The following SLC44A5 variants were observed in gnomAD, a reference collection of about 807,000 sequenced individuals.
SLC44A5 encodes choline transporter-like protein 5.
A neutral mutation model predicts 101.8 loss-of-function variants in SLC44A5; 57 were observed. The ratio of observed to expected loss-of-function variants is 0.56; its 90% CI spans 0.45 to 0.70. SLC44A5 has a LOEUF of 0.70. Among genes scored for constraint, SLC44A5 ranks in the 30% least tolerant of loss-of-function variants. The pLI is 0.00. For synonymous variants in SLC44A5, 281 were observed against 290.9 expected (o/e 0.97, Z 0.35); for missense variants, 737 against 853.1 (o/e 0.86, Z 1.70).
chr1:75,385,478 GACACAT>G (rs1661253469), intron 3 of SLC44A5, among the ~76,000 whole-genome samples: 1 of 151,926 alleles, frequency 6.6e-6, no homozygotes, highest in African/African-American at 2.4e-5. Flanking sequence ...TAAATTCCTC[GACACAT>G]ACACTCTCCC....
the SLC44A5 span, among the ~76,000 whole-genome samples, chr1:75,719,751 C>A: frequency 2.0e-5 from 3 of 152,018 alleles, no homozygotes; most frequent in Non-Finnish European, 4.4e-5. Context: ...GTTTTACTTC[C>A]GAGAAAACTA....
chr1:75,447,161 C>T (rs1217696473), intron 2 of SLC44A5, among the ~76,000 whole-genome samples: 1 of 152,126 alleles, frequency 6.6e-6, no homozygotes, highest in African/African-American at 2.4e-5. Context: ...ACAGGAACAG[C>T]TGCCCTAATA....
At chr1:75,287,581 CA>C (rs1653172694) in intron 5 of SLC44A5, among the ~76,000 whole-genome samples, 1 of 151,864 alleles carries the variant, frequency 6.6e-6, no homozygotes, top group Non-Finnish European at 1.5e-5. Flanking sequence ...TAGACTATGT[CA>C]GGGGGAAGAT....
At chr1:75,577,892 G>A (rs1673463390) in intron 1 of SLC44A5, among the ~76,000 whole-genome samples, 1 of 152,038 alleles carries the variant, frequency 6.6e-6, no homozygotes, top group Non-Finnish European at 1.5e-5. Context: ...TGTTTACTCA[G>A]GATATTCATT....
chr1:75,569,581 G>A lies in SLC44A5; in HGVS notation c.-69-28065C>T, dbSNP rs141125601. On this transcript the variant is annotated intron_variant, in intron 1 of 23. Coordinates refer to ENST00000370859, the MANE Select transcript of SLC44A5 (RefSeq NM_001130058.2). Reference sequence around the variant, plus strand: ...CAACACTTAAAACATTCTATTGAATGAATTATCTGTTCAGTAGAACACAAG... The same window carrying A: ...CAACACTTAAAACATTCTATTGAATAAATTATCTGTTCAGTAGAACACAAG... Among the ~76,000 whole-genome samples the A allele has an allele frequency of 4.8e-3, 732 of 152,166 alleles. 5 individuals are homozygous for A. Among genetic ancestry groups the A allele is most frequent in the African/African-American group, 0.014 (584 of 41,488 alleles).
At chr1:75,672,230 A>G in the SLC44A5 span, among the ~76,000 whole-genome samples, 1 of 152,174 alleles carries the variant, frequency 6.6e-6, no homozygotes. Flanking sequence ...TGCCTATGCC[A>G]CCCTTCCCCC....
chr1:75,701,162 C>T, the SLC44A5 span, among the ~76,000 whole-genome samples: 1 of 152,114 alleles, frequency 6.6e-6, no homozygotes, highest in Admixed American at 6.5e-5. Context: ...TTTTATGAGC[C>T]CAGCATCATC....
At chr1:75,233,917 C>A in intron 12 of SLC44A5, 69 bp downstream of exon 12, 1 of 1,170,546 alleles carries the variant, frequency 8.5e-7, no homozygotes, top group Non-Finnish European at 1.3e-6. Flanking sequence ...TTTCTGGTAA[C>A]TGATAACAGC....
At chr1:75,517,022 A>C (rs1199730715) in intron 2 of SLC44A5, among the ~76,000 whole-genome samples, 1 of 152,164 alleles carries the variant, frequency 6.6e-6, no homozygotes, top group African/African-American at 2.4e-5. Context: ...AACAATGATG[A>C]ATCTCTGGAC....
intron 1 of SLC44A5, among the ~76,000 whole-genome samples, chr1:75,602,647 A>C (rs1474899764): frequency 6.6e-6 from 1 of 152,138 alleles, no homozygotes; most frequent in Non-Finnish European, 1.5e-5. Flanking sequence ...GCCATGAGTA[A>C]AGAATGTGAT....
intron 2 of SLC44A5, among the ~76,000 whole-genome samples, chr1:75,447,158 C>G (rs1443593859): frequency 6.6e-6 from 1 of 152,154 alleles, no homozygotes; most frequent in Non-Finnish European, 1.5e-5. Context: ...TAAACAGGAA[C>G]AGCTGCCCTA....
At chr1:75,695,192 G>A in the SLC44A5 span, among the ~76,000 whole-genome samples, 1 of 152,142 alleles carries the variant, frequency 6.6e-6, no homozygotes, top group African/African-American at 2.4e-5. Flanking sequence ...AGAAATTACA[G>A]TAGCAGACAT....
the SLC44A5 span, among the ~76,000 whole-genome samples, chr1:75,657,208 T>C: frequency 6.6e-6 from 1 of 152,006 alleles, no homozygotes; most frequent in South Asian, 2.1e-4. Context: ...GATCCAACTA[T>C]ATGCTGCCTA....
At chr1:75,240,196 C>G (rs1239074868) in intron 9 of SLC44A5, among the ~76,000 whole-genome samples, 1 of 152,054 alleles carries the variant, frequency 6.6e-6, no homozygotes, top group Non-Finnish European at 1.5e-5. Flanking sequence ...AGTCTTTCTT[C>G]TACAGTAAAT....
intron 4 of SLC44A5, among the ~76,000 whole-genome samples, chr1:75,330,043 T>C (rs368644217): frequency 2.0e-4 from 31 of 151,882 alleles, no homozygotes; most frequent in African/African-American, 7.0e-4. Context: ...CCAATTTTTA[T>C]GTTCCCTTAA....
At chr1:75,300,556 G>T in intron 5 of SLC44A5, 56 bp downstream of exon 5, 2 of 1,162,984 alleles carry the variant, frequency 1.7e-6, no homozygotes, top group South Asian at 2.8e-5. Flanking sequence ...ATGTGACACT[G>T]ACTTAGTTAT....
intron 16 of SLC44A5, 52 bp downstream of exon 16, chr1:75,219,205 G>T: frequency 8.2e-7 from 1 of 1,218,796 alleles, no homozygotes; most frequent in Non-Finnish European, 1.2e-6. Flanking sequence ...AAAATGAATT[G>T]CAGCAGAAGT....
chr1:75,655,151 G>A, the SLC44A5 span, among the ~76,000 whole-genome samples: 71 of 152,228 alleles, frequency 4.7e-4, no homozygotes, highest in Middle Eastern at 6.8e-3. Flanking sequence ...CTCAGAAGTT[G>A]GGGATTTAAA....
intron 3 of SLC44A5, among the ~76,000 whole-genome samples, chr1:75,388,651 C>T (rs891380260): frequency 3.9e-5 from 6 of 151,972 alleles, no homozygotes; most frequent in Admixed American, 2.0e-4. Flanking sequence ...TGGTGGCGGG[C>T]GCCTGTGGTC....
Sources: allele counts gnomAD v4.1 joint callset (sites outside exome capture counted in the v4.1 genomes callset), GRCh38; gene constraint gnomAD v4.1.1; transcripts MANE v1.5; gene names NCBI Gene and HGNC (gene_info 2026-07-23, HGNC 2026-07-21).